ALK: variants seen among roughly 807,000 people sequenced by gnomAD.
ALK encodes ALK tyrosine kinase receptor.
ALK carries 74 observed loss-of-function variants against 163.1 expected under a neutral mutation model. The observed-to-expected ratio is 0.45, with a 90% CI of 0.38 to 0.55. ALK has a LOEUF of 0.55. ALK is among the 20% of genes least tolerant of loss of function. ALK has a pLI of 0.00. For synonymous variants in ALK, 960 were observed against 843.2 expected (o/e 1.14, Z -2.40); for missense variants, 2,063 against 2,105.3 (o/e 0.98, Z 0.39).
At chr2:29,591,663 G>A (rs1330304299) in intron 3 of ALK, among the ~76,000 whole-genome samples, 1 of 152,178 alleles carries the variant, frequency 6.6e-6, no homozygotes, top group Admixed American at 6.5e-5. Flanking sequence ...AGGGAGGCAA[G>A]GAGTGACAGC....
intron 1 of ALK, among the ~76,000 whole-genome samples, chr2:29,850,830 C>G (rs372649144): frequency 1.3e-5 from 2 of 152,216 alleles, no homozygotes; most frequent in Non-Finnish European, 2.9e-5. Context: ...CTTTCCTCGT[C>G]CAGGAAGCCT....
chr2:29,381,114 T>C (rs1015974979), intron 5 of ALK, among the ~76,000 whole-genome samples: 1 of 152,238 alleles, frequency 6.6e-6, no homozygotes, highest in African/African-American at 2.4e-5. Context: ...TCAGATCAAC[T>C]TGGGATCGAG....
intron 11 of ALK, among the ~76,000 whole-genome samples, chr2:29,273,274 G>A (rs1167455452): frequency 1.3e-5 from 2 of 152,234 alleles, no homozygotes; most frequent in Non-Finnish European, 2.9e-5. Flanking sequence ...ACTGGGTGTG[G>A]CCTTGGCCTC....
At chr2:29,748,672 A>G (rs1225291678) in intron 1 of ALK, among the ~76,000 whole-genome samples, 1 of 152,198 alleles carries the variant, frequency 6.6e-6, no homozygotes, top group Non-Finnish European at 1.5e-5. Context: ...ACCATAGTGT[A>G]TACATATTTA....
intron 4 of ALK, among the ~76,000 whole-genome samples, chr2:29,428,249 A>G (rs2148072188): frequency 6.6e-6 from 1 of 152,180 alleles, no homozygotes; most frequent in Non-Finnish European, 1.5e-5. Flanking sequence ...TAAAACATGC[A>G]GAGACTGTAA....
intron 2 of ALK, among the ~76,000 whole-genome samples, chr2:29,706,031 A>T (rs1031582330): frequency 7.2e-5 from 11 of 152,314 alleles, no homozygotes; most frequent in Non-Finnish European, 1.2e-4. Context: ...TGCCTTTGGA[A>T]GACCTCCAGC....
intron 6 of ALK, among the ~76,000 whole-genome samples, chr2:29,323,033 T>C (rs185870598): frequency 6.6e-6 from 1 of 152,298 alleles, no homozygotes; most frequent in African/African-American, 2.4e-5. Context: ...ACAACAGCAC[T>C]GGAATCCGGA....
chr2:29,882,603 A>T (rs934953320), intron 1 of ALK, among the ~76,000 whole-genome samples: 4 of 152,174 alleles, frequency 2.6e-5, no homozygotes, highest in Non-Finnish European at 5.9e-5. Flanking sequence ...CTGAGGCAGG[A>T]GAATCACTTG....
At chr2:29,403,709 C>CAAAAAA (rs67270103) in intron 4 of ALK, among the ~76,000 whole-genome samples, 9 of 74,184 alleles carry the variant, frequency 1.2e-4, no homozygotes, top group African/African-American at 3.7e-4. Context: ...CAGGTCTCTA[C>CAAAAAA]AAAAAAAAAA....
At chr2:29,538,504 TC>T (rs1673322734) in intron 3 of ALK, among the ~76,000 whole-genome samples, 1 of 152,128 alleles carries the variant, frequency 6.6e-6, no homozygotes, top group Admixed American at 6.5e-5. Context: ...AGGCCCTCAC[TC>T]AGGAAACAGA....
chr2:29,328,305 G>A (rs1441352760), intron 6 of ALK, 45 bp downstream of exon 6: 2 of 1,613,776 alleles, frequency 1.2e-6, no homozygotes, highest in African/African-American at 1.3e-5. Context: ...GGGGTTATGA[G>A]CATGGGCTGG....
At chr2:29,821,560 C>G (rs958118968) in intron 1 of ALK, among the ~76,000 whole-genome samples, 1 of 152,094 alleles carries the variant, frequency 6.6e-6, no homozygotes, top group African/African-American at 2.4e-5. Context: ...AGACCAACCC[C>G]CACAAATGAG....
chr2:29,652,422 GA>G (rs1159606964), intron 3 of ALK, among the ~76,000 whole-genome samples: 1 of 152,168 alleles, frequency 6.6e-6, no homozygotes, highest in Non-Finnish European at 1.5e-5. Context: ...TTTCCATAAT[GA>G]AAGTTTCTTG....
chr2:29,321,172 C>A (rs1667032079), intron 6 of ALK, among the ~76,000 whole-genome samples: 2 of 152,334 alleles, frequency 1.3e-5, no homozygotes, highest in South Asian at 4.1e-4. Flanking sequence ...AAAGCAGAGG[C>A]TCAGAAATGT....
chr2:29,623,302 CAT>C (rs1374304755), intron 3 of ALK, among the ~76,000 whole-genome samples: 1 of 152,036 alleles, frequency 6.6e-6, no homozygotes, highest in African/African-American at 2.4e-5. Context: ...CTAGAAATAA[CAT>C]AAATGTCCAA....
chr2:29,491,307 A>T (rs1671893114), intron 4 of ALK, among the ~76,000 whole-genome samples: 1 of 152,154 alleles, frequency 6.6e-6, no homozygotes, highest in Non-Finnish European at 1.5e-5. Context: ...TGCCTCTCAG[A>T]GTGCCTAGAA....
chr2:29,384,018 T>G (rs1048141693), intron 4 of ALK, among the ~76,000 whole-genome samples, 159 bp from the exon 5 acceptor site: 2 of 152,210 alleles, frequency 1.3e-5, no homozygotes, highest in Non-Finnish European at 2.9e-5. Flanking sequence ...GGACAGTGAT[T>G]CTGACAGCAA....
intron 1 of ALK, among the ~76,000 whole-genome samples, chr2:29,884,037 T>C (rs78038518): frequency 1.3e-5 from 2 of 152,216 alleles, no homozygotes; most frequent in East Asian, 1.9e-4. Context: ...GAGAGAAATG[T>C]GAACAAATGT....
At chr2:29,354,051 CTT>C (rs1228867552) in intron 5 of ALK, among the ~76,000 whole-genome samples, 1 of 152,222 alleles carries the variant, frequency 6.6e-6, no homozygotes, top group Non-Finnish European at 1.5e-5. Context: ...TGAGACCAGC[CTT>C]TCACTGACTT....
Sources: gnomAD v4.1 joint callset for allele counts (sites outside exome capture counted in the v4.1 genomes callset) on GRCh38, gnomAD v4.1.1 for gene constraint, MANE v1.5 for transcripts, NCBI Gene and HGNC (gene_info 2026-07-23, HGNC 2026-07-21) for gene names.